SLC37A3: variants seen among roughly 807,000 people sequenced by gnomAD.
The protein encoded by SLC37A3 is sugar phosphate exchanger 3.
Under a neutral mutation model 67.1 loss-of-function variants are expected in SLC37A3, and 51 were observed. The ratio of observed to expected loss-of-function variants is 0.76; its 90% CI spans 0.61 to 0.96. The LOEUF (loss-of-function observed/expected upper bound fraction) is 0.96, where lower values mean the gene tolerates loss of function less well. Ranked by LOEUF, SLC37A3 falls within the 40% of genes least tolerant of loss-of-function variation. The pLI, the probability that SLC37A3 is intolerant of heterozygous loss-of-function variation, is 0.00. For missense variants in SLC37A3, 508 were observed against 603.0 expected (o/e 0.84, Z 1.65); for synonymous variants, 214 against 231.4 (o/e 0.92, Z 0.68).
intron 5 of SLC37A3, 73 bp downstream of exon 5, chr7:140,364,335 C>T (rs769433334): frequency 2.2e-6 from 3 of 1,352,392 alleles, no homozygotes; most frequent in Non-Finnish European, 1.0e-6. Context: ...TTCTATTCTA[C>T]AGAGAAGTAG....
chr7:140,382,283 C>T (rs1798288200), intron 2 of SLC37A3, among the ~76,000 whole-genome samples, 155 bp downstream of exon 2: 1 of 151,926 alleles, frequency 6.6e-6, no homozygotes. Context: ...AACAGCCCTC[C>T]AGAACTACGA....
intron 1 of SLC37A3, among the ~76,000 whole-genome samples, chr7:140,395,714 T>A (rs916527363): frequency 1.3e-5 from 2 of 151,318 alleles, no homozygotes; most frequent in African/African-American, 2.4e-5. Flanking sequence ...TCTCAAAAAA[T>A]AAATAAATAA....
At chr7:140,373,019 T>A (rs534127471) in intron 3 of SLC37A3, among the ~76,000 whole-genome samples, 2 of 152,312 alleles carry the variant, frequency 1.3e-5, no homozygotes, top group Admixed American at 1.3e-4. Context: ...TGGCGCGATC[T>A]CGGCTCACTG....
At chr7:140,352,005 T>C in intron 8 of SLC37A3, 57 bp downstream of exon 8, 2 of 1,510,076 alleles carry the variant, frequency 1.3e-6, no homozygotes, top group Non-Finnish European at 9.1e-7. Context: ...TGGCCTCAGA[T>C]TTCCTTTCGG....
chr7:140,364,195 G>C (rs994271994), intron 5 of SLC37A3, among the ~76,000 whole-genome samples: 4 of 151,344 alleles, frequency 2.6e-5, no homozygotes, highest in Non-Finnish European at 4.4e-5. Flanking sequence ...AGGTTGCAGT[G>C]AGCTGAGATC....
intron 4 of SLC37A3, 150 bp from the exon 5 acceptor site, chr7:140,364,641 C>A: frequency 7.7e-6 from 5 of 646,956 alleles, no homozygotes; most frequent in African/African-American, 1.8e-5. Context: ...AGGAGTTTCA[C>A]AAATGTTTCA....
intron 1 of SLC37A3, among the ~76,000 whole-genome samples, chr7:140,388,747 G>T (rs1294167065): frequency 6.6e-6 from 1 of 151,750 alleles, no homozygotes; most frequent in Non-Finnish European, 1.5e-5. Context: ...AGAGGCAGAG[G>T]TTGCAGTGCC....
chr7:140,382,031 G>A (rs1460518322), intron 2 of SLC37A3, among the ~76,000 whole-genome samples: 22 of 140,212 alleles, frequency 1.6e-4, no homozygotes, highest in Non-Finnish European at 3.1e-4. Flanking sequence ...AAAAAAAAAA[G>A]TGAGATATGT....
chr7:140,388,447 G>A (rs1798595817), intron 1 of SLC37A3, among the ~76,000 whole-genome samples: 1 of 148,230 alleles, frequency 6.7e-6, no homozygotes, highest in Non-Finnish European at 1.5e-5. Context: ...AAAAGAGAAA[G>A]GATTCCTTTG....
Position 140,334,958 on chromosome 7 carries a change from T to C in SLC37A3, c.*454A>G. The C allele has an allele frequency of 5.3e-6, 2 of 374,968 alleles. No individual in the cohort carries two copies. Among genetic ancestry groups the C allele is most frequent in the Non-Finnish European group, 1.0e-5 (2 of 196,932 alleles). 23.2% of individuals were successfully genotyped at this position (374,968 alleles called of 1,614,324 possible). A position where few individuals can be genotyped will look rare whatever the true frequency, so the allele number is the denominator to read the frequency against. On this transcript the variant is annotated 3_prime_UTR_variant, in exon 15 of 15. Coordinates refer to ENST00000326232, the MANE Select transcript of SLC37A3 (RefSeq NM_207113.3). ...GATGCTTCAAAGATGACCCACTCTCTGTAAACTCATTACCAAAGCAAAATG... is the reference window on the plus strand; with the variant it reads ...GATGCTTCAAAGATGACCCACTCTCCGTAAACTCATTACCAAAGCAAAATG...
chr7:140,384,946 C>G (rs1488787908), intron 1 of SLC37A3, among the ~76,000 whole-genome samples: 1 of 152,132 alleles, frequency 6.6e-6, no homozygotes, highest in Non-Finnish European at 1.5e-5. Context: ...GCACCCAAAC[C>G]TTAAAGACTA....
At position 140,345,937 on chromosome 7, in the gene SLC37A3, A is replaced by G; in HGVS notation, c.1058T>C (p.Leu353Pro). The G allele has an allele frequency of 6.2e-7, 1 of 1,613,992 alleles. No homozygotes were observed. Among genetic ancestry groups the G allele is most frequent in the South Asian group, 1.1e-5 (1 of 91,076 alleles). Reference protein sequence around the residue: ...GTLQGFISDVLQKRAPVLALS... With the variant: ...GTLQGFISDVPQKRAPVLALS... ...GGCAAGAACCGGCGCTCTCTTCTGT[A>G]GTACATCAGAGATGAAGCCTTGCAA... Residue 353 changes from leucine (L) to proline (P), a missense_variant, in exon 11 of 15, where the codon CTA becomes CCA. By Grantham distance (98) the Leu-to-Pro change is moderately conservative (BLOSUM62 -3). Coordinates refer to ENST00000326232, the MANE Select transcript of SLC37A3 (RefSeq NM_207113.3).
intron 1 of SLC37A3, among the ~76,000 whole-genome samples, chr7:140,385,556 A>C (rs549739246): frequency 2.7e-4 from 41 of 152,346 alleles, no homozygotes; most frequent in Non-Finnish European, 4.9e-4. Context: ...ATGTAAAATC[A>C]TAATTCCAAA....
intron 4 of SLC37A3, among the ~76,000 whole-genome samples, chr7:140,368,239 C>G (rs1301525823): frequency 1.3e-5 from 2 of 152,162 alleles, no homozygotes; most frequent in South Asian, 2.1e-4. Context: ...GATCAATTCA[C>G]GCAGCCTCAC....
chr7:140,394,048 G>T (rs1184596722), intron 1 of SLC37A3, among the ~76,000 whole-genome samples: 1 of 152,104 alleles, frequency 6.6e-6, no homozygotes, highest in Non-Finnish European at 1.5e-5. Context: ...GTGCACACCT[G>T]TAGTCCCAGC....
chr7:140,337,545 T>G, intron 13 of SLC37A3, 196 bp from the exon 14 acceptor site: 1 of 421,878 alleles, frequency 2.4e-6, no homozygotes, highest in Non-Finnish European at 4.3e-6. Flanking sequence ...AGAGTCCAAA[T>G]GGAAAAACCG....
intron 9 of SLC37A3, among the ~76,000 whole-genome samples, chr7:140,350,118 C>G (rs1045248326): frequency 1.3e-5 from 2 of 152,158 alleles, no homozygotes; most frequent in African/African-American, 4.8e-5. Flanking sequence ...TCATAAAGCA[C>G]CATTGACAAA....
At chr7:140,352,382 T>G (rs532282777) in intron 7 of SLC37A3, among the ~76,000 whole-genome samples, 1 of 152,168 alleles carries the variant, frequency 6.6e-6, no homozygotes, top group Admixed American at 6.5e-5. Context: ...AGAATGAAGC[T>G]CCCCTGGATA....
At chr7:140,397,347 C>A (rs1178037473) in intron 1 of SLC37A3, among the ~76,000 whole-genome samples, 1 of 151,582 alleles carries the variant, frequency 6.6e-6, no homozygotes, top group Non-Finnish European at 1.5e-5. Flanking sequence ...GCATGCGCCA[C>A]GACGCCCAGC....
Sources: allele counts gnomAD v4.1 joint callset (sites outside exome capture counted in the v4.1 genomes callset), GRCh38; gene constraint gnomAD v4.1.1; transcripts MANE v1.5; gene names NCBI Gene and HGNC (gene_info 2026-07-23, HGNC 2026-07-21).